RMST: variants seen among roughly 807,000 people sequenced by gnomAD.
The protein encoded by RMST is long intergenic non-protein coding RNA 54.
At chr12:97,504,231 C>A (rs2136488097) in intron 10 of RMST, among the ~76,000 whole-genome samples, 1 of 152,064 alleles carries the variant, frequency 6.6e-6, no homozygotes, top group East Asian at 2.0e-4. Context: ...TGGCAAACCC[C>A]CATTTCTACT....
intron 11 of RMST, among the ~76,000 whole-genome samples, chr12:97,542,057 T>C (rs908572262): frequency 9.9e-5 from 15 of 152,034 alleles, no homozygotes; most frequent in Non-Finnish European, 2.1e-4. Context: ...ATGTATTCCT[T>C]CAACAAGCAT....
intron 5 of RMST, among the ~76,000 whole-genome samples, chr12:97,476,825 A>G (rs1874607912): frequency 6.6e-6 from 1 of 152,216 alleles, no homozygotes; most frequent in South Asian, 2.1e-4. Context: ...ATAAATTTGG[A>G]ATTAGAAAAT....
At chr12:97,521,846 T>C (rs11109090) in intron 10 of RMST, among the ~76,000 whole-genome samples, 19,754 of 152,142 alleles carry the variant, frequency 0.13, 2,074 homozygotes, top group African/African-American at 0.27. Context: ...ATTTTCCCAG[T>C]TAACACTTCA....
intron 5 of RMST, among the ~76,000 whole-genome samples, chr12:97,489,083 T>C (rs564908305): frequency 1.1e-4 from 16 of 152,338 alleles, no homozygotes; most frequent in African/African-American, 3.6e-4. Context: ...TTTAGAAATA[T>C]GAATTATGAT....
At chr12:97,499,968 T>G (rs1270389520) in intron 10 of RMST, among the ~76,000 whole-genome samples, 1 of 152,178 alleles carries the variant, frequency 6.6e-6, no homozygotes, top group Non-Finnish European at 1.5e-5. Flanking sequence ...CTATGTCTTC[T>G]TTTTACTCAT....
intron 10 of RMST, among the ~76,000 whole-genome samples, chr12:97,524,349 A>T (rs1880876135): frequency 2.0e-5 from 3 of 152,142 alleles, no homozygotes; most frequent in Non-Finnish European, 4.4e-5. Flanking sequence ...CCTGGTATAC[A>T]GGATAAGTCT....
intron 10 of RMST, among the ~76,000 whole-genome samples, chr12:97,523,729 T>G (rs1205660572): frequency 6.6e-6 from 1 of 152,076 alleles, no homozygotes; most frequent in Non-Finnish European, 1.5e-5. Flanking sequence ...ATCTCATGAC[T>G]GAGAAATATT....
At chr12:97,516,392 C>T (rs146194532) in intron 10 of RMST, among the ~76,000 whole-genome samples, 67 of 152,064 alleles carry the variant, frequency 4.4e-4, no homozygotes, top group African/African-American at 1.6e-3. Flanking sequence ...TTCATCATTT[C>T]CTATCTGAAT....
chr12:97,495,459 A>G (rs1877304133), intron 9 of RMST, among the ~76,000 whole-genome samples: 1 of 152,186 alleles, frequency 6.6e-6, no homozygotes, highest in Non-Finnish European at 1.5e-5. Flanking sequence ...TTGATGCAAT[A>G]TGAGGATACT....
intron 10 of RMST, among the ~76,000 whole-genome samples, chr12:97,526,161 C>T (rs553487094): frequency 9.9e-5 from 15 of 152,030 alleles, no homozygotes; most frequent in South Asian, 8.3e-4. Context: ...AAATGTAATG[C>T]GCTTGAATCA....
intron 7 of RMST, among the ~76,000 whole-genome samples, chr12:97,493,655 G>A (rs1877101997): frequency 6.6e-6 from 1 of 152,094 alleles, no homozygotes; most frequent in South Asian, 2.1e-4. Context: ...CAACCCGTCA[G>A]TTTCCAAGAA....
intron 11 of RMST, among the ~76,000 whole-genome samples, chr12:97,549,943 A>G (rs370777100): frequency 1.3e-5 from 2 of 152,248 alleles, no homozygotes; most frequent in South Asian, 2.1e-4. Context: ...TACCTATAGA[A>G]TTCGGTATTT....
chr12:97,519,167 T>C (rs1349070555), intron 10 of RMST, among the ~76,000 whole-genome samples: 1 of 152,212 alleles, frequency 6.6e-6, no homozygotes, highest in South Asian at 2.1e-4. Flanking sequence ...ATTTGGTACT[T>C]AGGGTTTAGT....
intron 10 of RMST, among the ~76,000 whole-genome samples, chr12:97,524,528 A>T (rs1880893972): frequency 6.6e-6 from 1 of 152,244 alleles, no homozygotes; most frequent in African/African-American, 2.4e-5. Context: ...GCTGCTGTGG[A>T]TAACACCCAT....
chr12:97,466,949 G>A (rs1873261310), intron 5 of RMST, among the ~76,000 whole-genome samples: 1 of 152,032 alleles, frequency 6.6e-6, no homozygotes, highest in Non-Finnish European at 1.5e-5. Flanking sequence ...AATTAGGAGT[G>A]TCTTAAAGGG....
intron 5 of RMST, among the ~76,000 whole-genome samples, chr12:97,487,553 T>C (rs752379611): frequency 2.2e-4 from 33 of 151,922 alleles, no homozygotes; most frequent in Admixed American, 7.2e-4. Flanking sequence ...GCAGCTGGGG[T>C]GGAGAGAGTG....
At position 97,485,455 on chromosome 12, in the gene RMST, A is replaced by G. The variant is rs993238553; in HGVS notation, n.645-7006A>G. On this transcript the variant is annotated intron_variant and non_coding_transcript_variant, in intron 5 of 13. Transcript: ENST00000640149. ...TAATATTTCATTAGAAGAAATTCCT[A>G]TTCCTAGTGTTAAGCAAATGTGGTT... Among the ~76,000 whole-genome samples, 6 of 152,316 alleles carry G rather than the reference A, an allele frequency of 3.9e-5. No homozygotes were observed. The East Asian group carries it at 7.7e-4, about 20-fold the overall frequency.
At chr12:97,479,786 T>C (rs1198134501) in intron 5 of RMST, among the ~76,000 whole-genome samples, 7 of 152,188 alleles carry the variant, frequency 4.6e-5, no homozygotes, top group Non-Finnish European at 8.8e-5. Context: ...GGTTTGTAGC[T>C]ACTCAGACAT....
Position 97,511,998 on chromosome 12 carries a change from C to T in RMST, n.1340+15942C>T, listed in dbSNP as rs147368128. Among the ~76,000 whole-genome samples the T allele has an allele frequency of 1.4e-3, 215 of 152,328 alleles. 2 individuals carry two copies. The highest frequency in any genetic ancestry group is 4.9e-3 in the African/African-American group (204 of 41,582). ...CTTCAAGAATGAAGCCGCGGACCCTCGCAGTGAGTGTTACAGTTCTTAAAG... is the reference window on the plus strand; with the variant it reads ...CTTCAAGAATGAAGCCGCGGACCCTTGCAGTGAGTGTTACAGTTCTTAAAG... On this transcript the variant is annotated intron_variant and non_coding_transcript_variant, in intron 10 of 13. Transcript: ENST00000640149.
Sources: allele counts gnomAD v4.1 joint callset (sites outside exome capture counted in the v4.1 genomes callset), GRCh38; gene constraint gnomAD v4.1.1; transcripts MANE v1.5; gene names NCBI Gene and HGNC (gene_info 2026-07-23, HGNC 2026-07-21).